The following NFATC3 variants were observed in gnomAD, a reference collection of about 807,000 sequenced individuals.
The protein encoded by NFATC3 is nuclear factor of activated T-cells, cytoplasmic 3.
In NFATC3, 46 loss-of-function variants were observed where a neutral mutation model predicts 98.6. The ratio of observed to expected loss-of-function variants is 0.47; its 90% CI spans 0.37 to 0.60. The LOEUF is 0.60. Among genes scored for constraint, NFATC3 ranks in the 20% least tolerant of loss-of-function variants. The pLI, the probability that NFATC3 is intolerant of heterozygous loss-of-function variation, is 0.00. For missense variants in NFATC3, 1,256 were observed against 1,295.5 expected (o/e 0.97, Z 0.47); for synonymous variants, 512 against 472.2 (o/e 1.08, Z -1.09).
intron 3 of NFATC3, among the ~76,000 whole-genome samples, chr16:68,137,157 CTTT>C (rs1247485251): frequency 6.6e-6 from 1 of 152,016 alleles, no homozygotes; most frequent in African/African-American, 2.4e-5. Context: ...AATCTTTTGT[CTTT>C]TGTAGTAACA....
chr16:68,155,396 A>G (rs2038554479), intron 3 of NFATC3, among the ~76,000 whole-genome samples: 1 of 152,242 alleles, frequency 6.6e-6, no homozygotes, highest in African/African-American at 2.4e-5. Flanking sequence ...CTCCAAGCCA[A>G]TCTCAAAAGA....
intron 3 of NFATC3, among the ~76,000 whole-genome samples, chr16:68,154,511 T>C (rs1325879113): frequency 1.3e-5 from 2 of 152,198 alleles, no homozygotes; most frequent in East Asian, 3.9e-4. Flanking sequence ...TTTTATCATA[T>C]GCTTACCTGA....
chr16:68,143,332 T>C (rs2037859505), intron 3 of NFATC3, among the ~76,000 whole-genome samples: 1 of 152,102 alleles, frequency 6.6e-6, no homozygotes, highest in Non-Finnish European at 1.5e-5. Context: ...TTTCAAAATG[T>C]GAAAATCAGC....
At chr16:68,191,863 C>T in intron 9 of NFATC3, 88 bp downstream of exon 9, 1 of 1,379,776 alleles carries the variant, frequency 7.2e-7, no homozygotes, top group Non-Finnish European at 1.0e-6. Flanking sequence ...CTATGGATTG[C>T]TTATTGGCAT....
chr16:68,222,267 C>T lies in NFATC3; in HGVS notation c.3107-4083C>T, dbSNP rs113207708. Among the ~76,000 whole-genome samples the T allele has an allele frequency of 4.5e-3, 461 of 103,172 alleles. 5 individuals carry two copies. Among genetic ancestry groups the T allele is most frequent in the African/African-American group, 0.016 (432 of 27,408 alleles). 67.7% of individuals were successfully genotyped at this position (103,172 alleles called of 152,430 possible). A position where few individuals can be genotyped will look rare whatever the true frequency, so the allele number is the denominator to read the frequency against. On this transcript the variant is annotated intron_variant, in intron 9 of 9. Transcript: ENST00000346183. ...TGTGCCACCTGCATTCCAGCCTGGG[C>T]AACAGAGTGAGACCCCATTGCCAAA...
chr16:68,100,874 A>G (rs1455410046), intron 1 of NFATC3, among the ~76,000 whole-genome samples: 38 of 147,478 alleles, frequency 2.6e-4, no homozygotes, highest in Admixed American at 2.6e-3. Context: ...CTTATTGTTG[A>G]ATTTTGAGAG....
intron 3 of NFATC3, among the ~76,000 whole-genome samples, chr16:68,133,111 C>T (rs150881084): frequency 6.6e-6 from 1 of 151,962 alleles, no homozygotes; most frequent in African/African-American, 2.4e-5. Flanking sequence ...ATTAAAAATA[C>T]AAAAATTAAC....
At chr16:68,094,184 C>T (rs2034883741) in intron 1 of NFATC3, among the ~76,000 whole-genome samples, 1 of 152,098 alleles carries the variant, frequency 6.6e-6, no homozygotes, top group Non-Finnish European at 1.5e-5. Flanking sequence ...GGTTTTAAGG[C>T]AGTTTACTCT....
intron 6 of NFATC3, among the ~76,000 whole-genome samples, chr16:68,179,076 A>G (rs1206318121): frequency 6.6e-6 from 1 of 152,044 alleles, no homozygotes; most frequent in Non-Finnish European, 1.5e-5. Flanking sequence ...GGTTCATGTC[A>G]TCTTGCCTGT....
At chr16:68,150,247 A>G (rs2038244047) in intron 3 of NFATC3, among the ~76,000 whole-genome samples, 1 of 152,020 alleles carries the variant, frequency 6.6e-6, no homozygotes, top group African/African-American at 2.4e-5. Flanking sequence ...TCCATTTTGT[A>G]ATGCTACTTT....
intron 1 of NFATC3, among the ~76,000 whole-genome samples, chr16:68,116,573 C>T (rs1268598993): frequency 6.6e-6 from 1 of 152,182 alleles, no homozygotes; most frequent in Non-Finnish European, 1.5e-5. Context: ...CTGCTTATAT[C>T]ATTTCCAGAG....
intron 9 of NFATC3, among the ~76,000 whole-genome samples, chr16:68,213,405 ACT>A (rs1405416206): frequency 3.3e-5 from 5 of 150,914 alleles, no homozygotes; most frequent in East Asian, 4.0e-4. Context: ...ACAGAGCAAG[ACT>A]CTGTCTCAAA....
intron 1 of NFATC3, among the ~76,000 whole-genome samples, chr16:68,116,773 A>G (rs2036298602): frequency 6.6e-6 from 1 of 151,238 alleles, no homozygotes; most frequent in Non-Finnish European, 1.5e-5. Context: ...ATTTGAATAA[A>G]CTGTAAAATC....
intron 7 of NFATC3, among the ~76,000 whole-genome samples, chr16:68,181,735 G>A (rs566976700): frequency 6.6e-6 from 1 of 152,212 alleles, no homozygotes; most frequent in East Asian, 1.9e-4. Context: ...GTTGAGACAA[G>A]CCCGAGCAAC....
intron 6 of NFATC3, among the ~76,000 whole-genome samples, chr16:68,179,365 C>T (rs920748531): frequency 6.6e-6 from 1 of 152,222 alleles, no homozygotes; most frequent in Non-Finnish European, 1.5e-5. Flanking sequence ...ATCTCAGTAA[C>T]ATGAAGTGTC....
intron 9 of NFATC3, chr16:68,221,412 C>A: frequency 1.4e-6 from 2 of 1,454,526 alleles, no homozygotes; most frequent in South Asian, 1.5e-5. Context: ...TGTTGCAGTT[C>A]TGACTCCCTA....
At chr16:68,137,897 G>A (rs982951529) in intron 3 of NFATC3, among the ~76,000 whole-genome samples, 2 of 152,070 alleles carry the variant, frequency 1.3e-5, no homozygotes, top group South Asian at 2.1e-4. Context: ...TGGGATTACA[G>A]GCGTGAGCCA....
At chr16:68,172,772 C>T (rs1367295968) in intron 5 of NFATC3, among the ~76,000 whole-genome samples, 2 of 152,034 alleles carry the variant, frequency 1.3e-5, no homozygotes, top group Non-Finnish European at 2.9e-5. Flanking sequence ...AGTGCATGAC[C>T]GTTTCTGAAA....
Position 68,228,608 on chromosome 16 carries a change from C to T in NFATC3, c.*2137C>T, listed in dbSNP as rs1368881705. 6.6e-6 allele frequency: 1 copy of T among 152,534 alleles called. No homozygotes were observed. Among genetic ancestry groups the T allele is most frequent in the Non-Finnish European group, 1.5e-5 (1 of 68,022 alleles). The allele number at this position is 152,534 out of a possible 1,614,324, so 9.4% of individuals were successfully genotyped here. ...AATAGAGCTTTGTATACTATGTAAG[C>T]AGTTTTATATCAGCTTTGTAAAAGC... is the stretch of plus-strand genomic sequence containing the variant. On this transcript the variant is annotated 3_prime_UTR_variant, in exon 10 of 10. Coordinates refer to ENST00000346183, the MANE Select transcript of NFATC3 (RefSeq NM_173165.3).
Sources: allele counts gnomAD v4.1 joint callset (sites outside exome capture counted in the v4.1 genomes callset), GRCh38; gene constraint gnomAD v4.1.1; transcripts MANE v1.5; gene names NCBI Gene and HGNC (gene_info 2026-07-23, HGNC 2026-07-21).